The following SRGAP2 variants were observed in gnomAD, a reference collection of about 807,000 sequenced individuals.
SRGAP2 encodes the protein SLIT-ROBO Rho GTPase-activating protein 2.
Under a neutral mutation model 57.2 loss-of-function variants are expected in SRGAP2, and 15 were observed. The ratio of observed to expected loss-of-function variants is 0.26; its 90% CI spans 0.18 to 0.40. The LOEUF (loss-of-function observed/expected upper bound fraction) is 0.40, where lower values mean the gene tolerates loss of function less well. Among genes scored for constraint, SRGAP2 ranks in the 10% least tolerant of loss-of-function variants. The probability of loss-of-function intolerance (pLI) is 1.00; values close to 1 mark genes in which losing one functional copy is unlikely to be tolerated. For synonymous variants in SRGAP2, 249 were observed against 248.0 expected (o/e 1.00, Z -0.04); for missense variants, 520 against 669.6 (o/e 0.78, Z 2.47).
At chr1:206,423,706 C>G (rs1414415772) in intron 13 of SRGAP2, among the ~76,000 whole-genome samples, 1 of 150,824 alleles carries the variant, frequency 6.6e-6, no homozygotes, top group Non-Finnish European at 1.5e-5. Context: ...CTAACAAAAA[C>G]TCTAACCCTC....
chr1:206,218,085 G>A (rs1389011679), intron 2 of SRGAP2, among the ~76,000 whole-genome samples: 1 of 152,072 alleles, frequency 6.6e-6, no homozygotes, highest in East Asian at 1.9e-4. Flanking sequence ...GAGGCAGGCG[G>A]ATCACCTAAG....
At chr1:206,389,571 C>T (rs1656714450) in intron 5 of SRGAP2, among the ~76,000 whole-genome samples, 2 of 152,084 alleles carry the variant, frequency 1.3e-5, no homozygotes, top group South Asian at 4.1e-4. Flanking sequence ...ATAAATCTGG[C>T]TGCTTCCTGG....
At chr1:206,433,058 A>G (rs1323719072) in intron 14 of SRGAP2, among the ~76,000 whole-genome samples, 2 of 152,232 alleles carry the variant, frequency 1.3e-5, no homozygotes, top group African/African-American at 2.4e-5. Context: ...ATCATAAGTC[A>G]AACTATTGCA....
intron 11 of SRGAP2, among the ~76,000 whole-genome samples, 192 bp from the exon 12 acceptor site, chr1:206,419,181 G>A (rs1031122707): frequency 3.3e-5 from 5 of 152,090 alleles, no homozygotes; most frequent in African/African-American, 1.2e-4. Context: ...CAGAAAGAGG[G>A]TCTTGGTGCT....
intron 2 of SRGAP2, among the ~76,000 whole-genome samples, chr1:206,260,377 G>GA (rs1211765028): frequency 2.0e-5 from 3 of 151,562 alleles, no homozygotes; most frequent in African/African-American, 7.3e-5. Flanking sequence ...TTTAAAATAT[G>GA]AAAAAAAATT....
intron 2 of SRGAP2, among the ~76,000 whole-genome samples, chr1:206,277,852 G>A (rs1379616565): frequency 1.3e-5 from 2 of 152,048 alleles, no homozygotes; most frequent in East Asian, 1.9e-4. Context: ...GGTGGTGCAC[G>A]CTTGTAATCC....
chr1:206,456,869 C>T (rs781943353), intron 21 of SRGAP2, among the ~76,000 whole-genome samples: 3 of 152,174 alleles, frequency 2.0e-5, no homozygotes, highest in Admixed American at 6.5e-5. Flanking sequence ...CGCCCCTGGG[C>T]GCTCACGCCT....
Position 206,415,465 on chromosome 1 carries a change from C to T in SRGAP2, c.1357-424C>T, listed in dbSNP as rs550309575. 6.6e-5 allele frequency among the ~76,000 whole-genome samples: 10 copies of T among 152,322 alleles called. 1 individual carries two copies. The highest frequency in any genetic ancestry group is 2.2e-4 in the African/African-American group (9 of 41,592). On this transcript the variant is annotated intron_variant, in intron 10 of 22. Coordinates refer to ENST00000573034, the MANE Select transcript of SRGAP2 (RefSeq NM_015326.5). ...GGGACTGAGCCTGCCATTGGCACTG[C>T]TCCTGGTGTGATGGAATGTCCCCCC...
At chr1:206,446,049 C>T (rs782697919) in intron 17 of SRGAP2, 26 bp from the exon 18 acceptor site, 4 of 778,464 alleles carry the variant, frequency 5.1e-6, no homozygotes, top group African/African-American at 3.4e-5. Context: ...AGCTTTCCAG[C>T]TTGCCCCCTT....
intron 11 of SRGAP2, among the ~76,000 whole-genome samples, chr1:206,418,884 CTCTCTGTGTGTGTGTG>C (rs1660005793): frequency 9.2e-6 from 1 of 109,094 alleles, no homozygotes; most frequent in African/African-American, 4.6e-5. Context: ...GCCTCCAACT[CTCTCTGTGTGTGTGTG>C]TGTGTGTGTG....
intron 11 of SRGAP2, among the ~76,000 whole-genome samples, chr1:206,418,095 A>G (rs1659904350): frequency 6.6e-6 from 1 of 151,328 alleles, no homozygotes; most frequent in Non-Finnish European, 1.5e-5. Context: ...GACAAGTTCT[A>G]GCAATAAAGA....
At chr1:206,456,073 T>C (rs1663809013) in intron 21 of SRGAP2, 1 of 152,230 alleles carries the variant, frequency 6.6e-6, no homozygotes, top group African/African-American at 2.4e-5. Flanking sequence ...AGGAATGAAA[T>C]GATTTGCACT....
At chr1:206,436,426 T>C (rs966988304) in intron 14 of SRGAP2, among the ~76,000 whole-genome samples, 2 of 151,862 alleles carry the variant, frequency 1.3e-5, no homozygotes, top group Non-Finnish European at 1.5e-5. Flanking sequence ...TCATAGCTCA[T>C]TGTAGCTTCT....
At chr1:206,308,000 C>T (rs1261446985) in intron 3 of SRGAP2, among the ~76,000 whole-genome samples, 6 of 151,690 alleles carry the variant, frequency 4.0e-5, no homozygotes, top group Admixed American at 2.6e-4. Context: ...TGAGGACTGC[C>T]AGCATGCTGT....
chr1:206,307,806 C>T (rs1182142212), intron 3 of SRGAP2, among the ~76,000 whole-genome samples: 5 of 152,006 alleles, frequency 3.3e-5, no homozygotes, highest in African/African-American at 4.8e-5. Flanking sequence ...AAGCGCCGCA[C>T]GCAGCCCCGG....
intron 11 of SRGAP2, among the ~76,000 whole-genome samples, chr1:206,417,674 C>T (rs1659859804): frequency 6.6e-6 from 1 of 152,020 alleles, no homozygotes; most frequent in Non-Finnish European, 1.5e-5. Flanking sequence ...CCGGCCTCGG[C>T]CTCCCAAAGT....
intron 12 of SRGAP2, 51 bp from the exon 13 acceptor site, chr1:206,421,199 T>A (rs1660271381): frequency 2.6e-6 from 2 of 756,272 alleles, no homozygotes; most frequent in Admixed American, 3.7e-5. Context: ...TTTCTCTTTT[T>A]CTCCCTTGTT....
intron 2 of SRGAP2, among the ~76,000 whole-genome samples, chr1:206,225,621 T>G (rs1324649279): frequency 6.6e-6 from 1 of 152,064 alleles, no homozygotes; most frequent in Admixed American, 6.5e-5. Flanking sequence ...CATTTTCTTT[T>G]CTTCTAAATT....
chr1:206,389,423 C>T (rs1239305199), intron 5 of SRGAP2, among the ~76,000 whole-genome samples: 4 of 152,100 alleles, frequency 2.6e-5, no homozygotes, highest in Non-Finnish European at 4.4e-5. Context: ...GTGATCCGCC[C>T]GCCTGGGCCT....
Sources: allele counts gnomAD v4.1 joint callset (sites outside exome capture counted in the v4.1 genomes callset), GRCh38; gene constraint gnomAD v4.1.1; transcripts MANE v1.5; gene names NCBI Gene and HGNC (gene_info 2026-07-23, HGNC 2026-07-21).